The following ALS2 variants were observed in gnomAD, a reference collection of about 807,000 sequenced individuals.
ALS2 encodes alsin.
In ALS2, 117 loss-of-function variants were observed where a neutral mutation model predicts 203.4. That is an observed-to-expected ratio of 0.58 (90% CI 0.50 to 0.67). ALS2 has a LOEUF of 0.67. Among genes scored for constraint, ALS2 ranks in the 30% least tolerant of loss-of-function variants. The pLI, the probability that ALS2 is intolerant of heterozygous loss-of-function variation, is 0.00. For missense variants in ALS2, 1,715 were observed against 1,989.4 expected (o/e 0.86, Z 2.62); for synonymous variants, 718 against 725.9 (o/e 0.99, Z 0.17).
chr2:201,704,723 A>C lies in ALS2; in HGVS notation c.4689-120T>G, dbSNP rs1003431463. On this transcript the variant is annotated intron_variant, in intron 31 of 33. Coordinates refer to ENST00000264276, the MANE Select transcript of ALS2 (RefSeq NM_020919.4). ...CATGCCTTAACCCGGACACTTAGGC[A>C]TTATGAGTCGTTGGAAAGGATGACT... The C allele has an allele frequency of 1.7e-5, 19 of 1,142,060 alleles. No homozygotes were observed. In the Admixed American group the frequency reaches 3.3e-4, roughly 20 times the overall value. 70.7% of individuals were successfully genotyped at this position (1,142,060 alleles called of 1,614,324 possible).
Position 201,768,876 on chromosome 2 carries a change from T to C in ALS2, c.10A>G (p.Lys4Glu). 6.2e-7 allele frequency: 1 copy of C among 1,613,676 alleles called. No individual in the cohort carries two copies. Among genetic ancestry groups the C allele is most frequent in the Non-Finnish European group, 8.5e-7 (1 of 1,179,680 alleles). Residue 4 changes from lysine (K) to glutamate (E), a missense_variant, in exon 2 of 34, where the codon AAG (lysine) becomes GAG (glutamate). Transcript: ENST00000264276. MDS[K>E]KRSSTEAEGS... ...AAGAAATGATTTTACCTTCTCTTCT[T>C]TGAGTCCATCGGTCAGTGGGAACAC...
At chr2:201,746,863 T>C (rs1235885267) in intron 8 of ALS2, 115 bp from the exon 9 acceptor site, 5 of 1,193,924 alleles carry the variant, frequency 4.2e-6, no homozygotes, top group Non-Finnish European at 4.9e-6. Flanking sequence ...GTCAGTCATA[T>C]CTGAGAGCAA....
chr2:201,745,760 C>T (rs1692598717), intron 9 of ALS2, among the ~76,000 whole-genome samples: 1 of 152,016 alleles, frequency 6.6e-6, no homozygotes, highest in Non-Finnish European at 1.5e-5. Flanking sequence ...ACCAGCCTGA[C>T]CAACGTGGTG....
At chr2:201,742,517 G>T (rs887545032) in intron 10 of ALS2, among the ~76,000 whole-genome samples, 31 of 152,330 alleles carry the variant, frequency 2.0e-4, no homozygotes, top group African/African-American at 7.5e-4. Flanking sequence ...CAGCAACCAG[G>T]ACAGGAAAGA....
chr2:201,753,141 C>T lies in ALS2; in HGVS notation c.1737+5G>A. On this transcript the variant is annotated splice_donor_5th_base_variant and intron_variant, in intron 7 of 33. Coordinates refer to ENST00000264276, the MANE Select transcript of ALS2 (RefSeq NM_020919.4). ...AGGTAAAGCATTTAATAGTTTGCCT[C>T]CTACCTGGGATTTCGCAGTAAGTGC... 6.2e-7 allele frequency: 1 copy of T among 1,612,990 alleles called. No individual in the cohort carries two copies. Among genetic ancestry groups the T allele is most frequent in the Non-Finnish European group, 8.5e-7 (1 of 1,178,978 alleles).
chr2:201,721,285 G>A (rs1458753196), intron 23 of ALS2, among the ~76,000 whole-genome samples: 2 of 152,100 alleles, frequency 1.3e-5, no homozygotes, highest in Non-Finnish European at 2.9e-5. Flanking sequence ...ATCTTAGCAA[G>A]GTTTATTGCA....
In ALS2 at chr2:201,761,208, T is replaced by C. The variant is rs1346760006; in HGVS notation, c.786A>G (p.Thr262=). Residue 262 remains threonine, a synonymous_variant, in exon 4 of 34, where the codon ACA becomes ACG. Coordinates refer to ENST00000264276, the MANE Select transcript of ALS2 (RefSeq NM_020919.4). The part of the protein sequence containing the change: ...SDSHCCPLGV[T]LTESQAENHA... ...GGTTTTCTGCCTGAGATTCTGTCAG[T>C]GTCACACCTAATGGGCAACAATGAC... is the stretch of plus-strand genomic sequence containing the variant. The C allele has an allele frequency of 1.6e-5, 26 of 1,614,074 alleles. No homozygotes were observed. Among genetic ancestry groups the C allele is most frequent in the Non-Finnish European group, 2.1e-5 (25 of 1,180,046 alleles).
intron 1 of ALS2, among the ~76,000 whole-genome samples, chr2:201,777,013 G>A (rs931573218): frequency 6.6e-6 from 1 of 152,158 alleles, no homozygotes; most frequent in Non-Finnish European, 1.5e-5. Context: ...TGGGATACTT[G>A]CATTCAAGGT....
chr2:201,744,623 T>A (rs1471121897), intron 9 of ALS2, among the ~76,000 whole-genome samples, 194 bp from the exon 10 acceptor site: 1 of 152,126 alleles, frequency 6.6e-6, no homozygotes, highest in Non-Finnish European at 1.5e-5. Context: ...AGACTAGGGT[T>A]TTTTTTGGGG....
At position 201,706,852 on chromosome 2, in the gene ALS2, A is replaced by G; in HGVS notation, c.4574T>C (p.Val1525Ala). ...TTGTAACTACTACACTTACCTCTGC[A>G]CCCCAAGAAAGCCCAGGAGAGCAAT... ...PDIALLGFLG[V>A]QRKFWPATLS... Residue 1525 changes from valine (V) to alanine (A), a missense_variant, in exon 29 of 34, where the codon GTG (valine) becomes GCG (alanine). Val to Ala is a moderately conservative substitution (Grantham distance 64). Around this residue, in one of 3 missense-constraint regions of ALS2, gnomAD observed 1,227 missense variants for 1,413.5 expected, o/e 0.87. Transcript: ENST00000264276. 1 of 1,614,036 alleles carries G rather than the reference A, an allele frequency of 6.2e-7. No individual in the cohort carries two copies. The highest frequency in any genetic ancestry group is 2.2e-5 in the East Asian group (1 of 44,872).
At chr2:201,749,976 G>A (rs938633687) in intron 7 of ALS2, among the ~76,000 whole-genome samples, 187 bp from the exon 8 acceptor site, 11 of 152,010 alleles carry the variant, frequency 7.2e-5, no homozygotes, top group African/African-American at 2.2e-4. Flanking sequence ...GAGATAATGC[G>A]CAAATAGAGT....
rs1420016078 is a variant in ALS2 at position 201,768,871 on chromosome 2, CTTCT to C, written c.11_14del (p.Lys4ArgfsTer26). The C allele has an allele frequency of 6.2e-7, 1 of 1,613,570 alleles. No individual in the cohort carries two copies. The highest frequency in any genetic ancestry group is 1.7e-5 in the Admixed American group (1 of 59,988). ...AAAGGAAGAAATGATTTTACCTTCT[CTTCT>C]TTGAGTCCATCGGTCAGTGGGAACA... is the stretch of plus-strand genomic sequence containing the variant. On this transcript the variant is annotated frameshift_variant, in exon 2 of 34. Coordinates refer to ENST00000264276, the MANE Select transcript of ALS2 (RefSeq NM_020919.4). LOFTEE classifies it high-confidence loss of function.
chr2:201,780,193 T>A (rs1694833394), intron 1 of ALS2: 1 of 152,230 alleles, frequency 6.6e-6, no homozygotes, highest in African/African-American at 2.4e-5. Context: ...AGTCTACTGT[T>A]GCCTGTCTCC....
At position 201,707,920 on chromosome 2, in the gene ALS2, T is replaced by C; in HGVS notation, c.4352A>G (p.Lys1451Arg). 5.0e-6 allele frequency: 8 copies of C among 1,613,620 alleles called. No individual in the cohort carries two copies. The highest frequency in any genetic ancestry group is 6.8e-6 in the Non-Finnish European group (8 of 1,179,684). Residue 1451 changes from lysine (K) to arginine (R), a missense_variant, in exon 28 of 34, where the codon AAG becomes AGG. Physicochemically the swap from Lys to Arg is conservative, Grantham distance 26. Transcript: ENST00000264276. ...PLSAPLPTERKSFCTGKSDSR... is the reference protein window; with the variant it reads ...PLSAPLPTERRSFCTGKSDSR... ...ATCTGACTTCCCAGTGCAAAAAGAC[T>C]TCCTTTCGGTTGGCAGAGGAGCAGA...
At chr2:201,733,894 T>C (rs1264116825) in intron 12 of ALS2, among the ~76,000 whole-genome samples, 2 of 152,194 alleles carry the variant, frequency 1.3e-5, no homozygotes, top group Non-Finnish European at 2.9e-5. Flanking sequence ...ACACTTCTAA[T>C]TTCTTCTTTT....
At chr2:201,767,529 T>A in intron 2 of ALS2, 146 bp from the exon 3 acceptor site, 1 of 918,480 alleles carries the variant, frequency 1.1e-6, no homozygotes, top group South Asian at 1.6e-5. Context: ...ATGCTTTGGT[T>A]ATGCTCACAG....
At chr2:201,758,611 C>T (rs1693547048) in intron 4 of ALS2, among the ~76,000 whole-genome samples, 1 of 152,074 alleles carries the variant, frequency 6.6e-6, no homozygotes, top group South Asian at 2.1e-4. Flanking sequence ...TTAAATGTAC[C>T]TACCAAACAC....
rs745368442 is a variant in ALS2, at chr2:201,718,151, T to A, written c.3762A>T (p.Gly1254=). Residue 1254 remains glycine (G), a synonymous_variant, in exon 24 of 34, where the codon GGA becomes GGT. Transcript: ENST00000264276. ...YIEGYFSGEW[G]SGIKITGTYF... ...AGGTTCCAGTGATTTTTATCCCAGA[T>A]CCCCATTCTCCACTAAAATAACCTT... The A allele has an allele frequency of 3.1e-6, 5 of 1,613,558 alleles. No homozygotes were observed. The highest frequency in any genetic ancestry group is 4.2e-6 in the Non-Finnish European group (5 of 1,179,516).
At chr2:201,774,162 G>A (rs573339632) in intron 1 of ALS2, among the ~76,000 whole-genome samples, 104 of 152,204 alleles carry the variant, frequency 6.8e-4, no homozygotes, top group Non-Finnish European at 7.9e-4. Context: ...TGGAGGTTGG[G>A]GAGATGGGAG....
Sources: allele counts gnomAD v4.1 joint callset (sites outside exome capture counted in the v4.1 genomes callset), GRCh38; gene constraint gnomAD v4.1.1; regional missense constraint gnomAD v4.1.1; transcripts MANE v1.5; gene names NCBI Gene and HGNC (gene_info 2026-07-23, HGNC 2026-07-21).